Variants in TMEM272 observed in about 807,000 individuals in gnomAD.
TMEM272 encodes the protein transmembrane protein 272.
Under a neutral mutation model 3.7 loss-of-function variants are expected in TMEM272, and 8 were observed. The observed-to-expected ratio is 2.17, with a 90% CI of 1.27 to 3.91. The LOEUF is 3.91. TMEM272 is among the 30% of genes most tolerant of loss of function. TMEM272 has a pLI of 0.00. For missense variants in TMEM272, 166 were observed against 91.5 expected (o/e 1.81, Z -3.32); for synonymous variants, 63 against 39.8 (o/e 1.58, Z -2.20).
chr13:51,860,365 T>A, the TMEM272 span, among the ~76,000 whole-genome samples: 6 of 152,036 alleles, frequency 3.9e-5, no homozygotes, highest in Admixed American at 2.6e-4. Flanking sequence ...CAAGGCCAGG[T>A]GTGATGGCTC....
chr13:51,893,399 A>T, the TMEM272 span, among the ~76,000 whole-genome samples: 1 of 152,360 alleles, frequency 6.6e-6, no homozygotes. Context: ...TCTGTGCTGA[A>T]GTATTGTCCC....
At chr13:51,835,875 A>C (rs924232609) in intron 2 of TMEM272, among the ~76,000 whole-genome samples, 14 of 152,190 alleles carry the variant, frequency 9.2e-5, no homozygotes, top group Admixed American at 8.5e-4. Flanking sequence ...TCCTGGGGAT[A>C]TTCTCTTATT....
chr13:51,904,489 A>G, the TMEM272 span, among the ~76,000 whole-genome samples: 2 of 152,204 alleles, frequency 1.3e-5, no homozygotes, highest in Non-Finnish European at 2.9e-5. Context: ...GCTAATGCAT[A>G]GTAGTAATGA....
At chr13:51,832,334 T>C (rs903156134) in intron 2 of TMEM272, among the ~76,000 whole-genome samples, 1 of 152,214 alleles carries the variant, frequency 6.6e-6, no homozygotes, top group Non-Finnish European at 1.5e-5. Context: ...GGGTAGCTTT[T>C]GGTCTGTTCT....
the TMEM272 span, among the ~76,000 whole-genome samples, chr13:51,892,636 C>T: frequency 2.6e-5 from 4 of 152,088 alleles, no homozygotes; most frequent in African/African-American, 9.7e-5. Flanking sequence ...ACCACATTTC[C>T]TCCTTGGACC....
chr13:51,866,913 A>AT, the TMEM272 span, among the ~76,000 whole-genome samples: 1 of 152,138 alleles, frequency 6.6e-6, no homozygotes, highest in African/African-American at 2.4e-5. Flanking sequence ...GCTTTCATCT[A>AT]TTTTAAAATT....
chr13:51,832,858 G>A (rs1276325785), intron 2 of TMEM272, among the ~76,000 whole-genome samples: 1 of 152,240 alleles, frequency 6.6e-6, no homozygotes, highest in Non-Finnish European at 1.5e-5. Context: ...TTGGGTAGAT[G>A]CAAAGTGAGC....
At chr13:51,835,126 A>G (rs751037248) in intron 2 of TMEM272, among the ~76,000 whole-genome samples, 1 of 152,202 alleles carries the variant, frequency 6.6e-6, no homozygotes, top group Non-Finnish European at 1.5e-5. Context: ...GCCACCACTT[A>G]GCAGCTCCAC....
intron 2 of TMEM272, among the ~76,000 whole-genome samples, chr13:51,828,218 G>A (rs1412659422): frequency 6.6e-6 from 1 of 152,144 alleles, no homozygotes; most frequent in Non-Finnish European, 1.5e-5. Context: ...TGGGCTTTCT[G>A]TATTTATACA....
At chr13:51,865,180 C>G in the TMEM272 span, among the ~76,000 whole-genome samples, 1 of 152,214 alleles carries the variant, frequency 6.6e-6, no homozygotes. Flanking sequence ...ATGACCACCC[C>G]ACATGTTTTT....
chr13:51,912,425 C>T, the TMEM272 span, among the ~76,000 whole-genome samples: 1 of 152,198 alleles, frequency 6.6e-6, no homozygotes, highest in Admixed American at 6.5e-5. Context: ...CTCCACAGAG[C>T]TCCCAGCCCA....
chr13:51,909,581 C>T, the TMEM272 span: 5 of 1,174,144 alleles, frequency 4.3e-6, no homozygotes, highest in Non-Finnish European at 6.4e-6. Flanking sequence ...CTAAGCTCTT[C>T]CTTGGTTTTA....
chr13:51,851,676 C>T, the TMEM272 span, among the ~76,000 whole-genome samples: 1 of 152,062 alleles, frequency 6.6e-6, no homozygotes, highest in East Asian at 1.9e-4. Flanking sequence ...AGGCGCACGC[C>T]ACCATGTCCA....
chr13:51,853,553 T>C, the TMEM272 span, among the ~76,000 whole-genome samples: 1 of 152,208 alleles, frequency 6.6e-6, no homozygotes, highest in African/African-American at 2.4e-5. Flanking sequence ...TCTTCTTGTC[T>C]CAGGGGTGAC....
chr13:51,893,531 G>T, the TMEM272 span, among the ~76,000 whole-genome samples: 9 of 152,204 alleles, frequency 5.9e-5, no homozygotes, highest in East Asian at 1.7e-3. Flanking sequence ...ATGAATGTGT[G>T]TTTTTCTGGG....
In TMEM272 at chr13:51,814,391, G is replaced by C. The variant is rs1955997222; in HGVS notation, c.*2360C>G. On this transcript the variant is annotated 3_prime_UTR_variant, in exon 5 of 5. Transcript: ENST00000629372. ...AAGATGTCACCCACTGAACCATTCA[G>C]TGTCCCCTCTATGAATGGATGCACA... 6.6e-6 allele frequency: 1 copy of C among 152,222 alleles called. No individual in the cohort carries two copies. The highest frequency in any genetic ancestry group is 1.5e-5 in the Non-Finnish European group (1 of 68,040). The allele number at this position is 152,222 out of a possible 1,614,324, so 9.4% of individuals were successfully genotyped here. A position where few individuals can be genotyped will look rare whatever the true frequency, so the allele number is the denominator to read the frequency against.
the TMEM272 span, among the ~76,000 whole-genome samples, chr13:51,905,421 G>A: frequency 6.6e-6 from 1 of 152,192 alleles, no homozygotes; most frequent in African/African-American, 2.4e-5. Context: ...TCTTCCTGAG[G>A]CCCTCTCATT....
chr13:51,865,745 A>G, the TMEM272 span: 2 of 1,614,114 alleles, frequency 1.2e-6, 1 homozygote, highest in East Asian at 4.5e-5. Flanking sequence ...AACTTTCTGG[A>G]AAAAGTACCG....
At chr13:51,912,286 A>T in the TMEM272 span, among the ~76,000 whole-genome samples, 6 of 152,246 alleles carry the variant, frequency 3.9e-5, no homozygotes, top group African/African-American at 1.4e-4. Flanking sequence ...AGGGAGGCAG[A>T]GCTCTTGAGA....
Sources: gnomAD v4.1 joint callset for allele counts (sites outside exome capture counted in the v4.1 genomes callset) on GRCh38, gnomAD v4.1.1 for gene constraint, MANE v1.5 for transcripts, NCBI Gene and HGNC (gene_info 2026-07-23, HGNC 2026-07-21) for gene names.